The following CTNND2 variants were observed in gnomAD, a reference collection of about 807,000 sequenced individuals.
CTNND2 encodes the protein catenin delta-2.
A neutral mutation model predicts 144.4 loss-of-function variants in CTNND2; 22 were observed. The observed-to-expected ratio is 0.15, with a 90% confidence interval of 0.11 to 0.22. The LOEUF (loss-of-function observed/expected upper bound fraction) is 0.22, where lower values mean the gene tolerates loss of function less well. Ranked by LOEUF, CTNND2 falls within the 10% of genes least tolerant of loss-of-function variation. CTNND2 has a pLI of 1.00. For synonymous variants in CTNND2, 751 were observed against 695.6 expected (o/e 1.08, Z -1.25); for missense variants, 1,353 against 1,618.8 (o/e 0.84, Z 2.82).
intron 18 of CTNND2, among the ~76,000 whole-genome samples, chr5:11,013,266 A>G (rs1347773901): frequency 6.6e-6 from 1 of 152,218 alleles, no homozygotes; most frequent in African/African-American, 2.4e-5. Context: ...ACTTAAGCAT[A>G]AAAATACACA....
intron 16 of CTNND2, among the ~76,000 whole-genome samples, chr5:11,077,820 C>A (rs61750282): frequency 6.6e-6 from 1 of 151,972 alleles, no homozygotes; most frequent in African/African-American, 2.4e-5. Context: ...TTAAAGTCTG[C>A]GAAAATTCAG....
chr5:11,072,680 G>C (rs1238965203), intron 16 of CTNND2, among the ~76,000 whole-genome samples: 1 of 152,238 alleles, frequency 6.6e-6, no homozygotes, highest in Non-Finnish European at 1.5e-5. Context: ...AACAACACGA[G>C]CTTTTTTCTT....
chr5:11,014,884 C>G (rs766707502), intron 18 of CTNND2, among the ~76,000 whole-genome samples: 5 of 152,188 alleles, frequency 3.3e-5, no homozygotes, highest in Non-Finnish European at 5.9e-5. Context: ...GTCCTTATCT[C>G]TTACCTCCTA....
chr5:11,844,380 G>GCA (rs140419072), intron 1 of CTNND2, among the ~76,000 whole-genome samples: 9 of 149,526 alleles, frequency 6.0e-5, no homozygotes, highest in South Asian at 2.1e-4. Context: ...ACACACATAT[G>GCA]CACACACACA....
intron 2 of CTNND2, among the ~76,000 whole-genome samples, chr5:11,590,995 G>T (rs1460841928): frequency 6.6e-6 from 1 of 152,180 alleles, no homozygotes; most frequent in Non-Finnish European, 1.5e-5. Flanking sequence ...CTTTACTTAG[G>T]TATTGATTGA....
intron 3 of CTNND2, among the ~76,000 whole-genome samples, chr5:11,497,614 G>A (rs201853431): frequency 6.6e-6 from 1 of 151,564 alleles, no homozygotes; most frequent in African/African-American, 2.4e-5. Flanking sequence ...ATAAGGGAGT[G>A]GAGAGAGGAG....
chr5:10,976,638 T>G (rs1736524970), intron 21 of CTNND2, among the ~76,000 whole-genome samples: 1 of 152,260 alleles, frequency 6.6e-6, no homozygotes, highest in Non-Finnish European at 1.5e-5. Context: ...CAAGTCATCT[T>G]TGCTGAACTT....
At chr5:11,208,823 C>G (rs1214315881) in intron 10 of CTNND2, among the ~76,000 whole-genome samples, 1 of 152,092 alleles carries the variant, frequency 6.6e-6, no homozygotes, top group Non-Finnish European at 1.5e-5. Flanking sequence ...GTGGAAAGAA[C>G]TAAACAAAAT....
intron 3 of CTNND2, among the ~76,000 whole-genome samples, chr5:11,490,836 T>C (rs1398639192): frequency 6.6e-6 from 1 of 152,024 alleles, no homozygotes; most frequent in Admixed American, 6.6e-5. Flanking sequence ...AAAATAAAAG[T>C]AGAAGGCCTG....
intron 3 of CTNND2, among the ~76,000 whole-genome samples, chr5:11,421,347 C>T (rs1310108333): frequency 2.6e-5 from 4 of 152,168 alleles, no homozygotes; most frequent in Non-Finnish European, 4.4e-5. Context: ...TTCCAGCTGT[C>T]ACCCCTGTCA....
intron 1 of CTNND2, among the ~76,000 whole-genome samples, chr5:11,893,208 A>G (rs1737120092): frequency 6.6e-6 from 1 of 152,244 alleles, no homozygotes; most frequent in Admixed American, 6.5e-5. Flanking sequence ...ATGCATTTTA[A>G]GAGAATCGGC....
rs61752670 is a variant in CTNND2 at position 10,981,504 on chromosome 5, T to C, written c.3417+269A>G. Reference sequence around the variant, plus strand: ...GGGGGTTTCTTTTAGTTTTGCACCATAGCAGAATACTTGCTTTCTGCACCA... The same window carrying C: ...GGGGGTTTCTTTTAGTTTTGCACCACAGCAGAATACTTGCTTTCTGCACCA... On this transcript the variant is annotated intron_variant, in intron 21 of 21. Transcript: ENST00000304623. 5.9e-5 allele frequency among the ~76,000 whole-genome samples: 9 copies of C among 152,262 alleles called. No individual in the cohort carries two copies. The East Asian group carries it at 1.7e-3, about 29-fold the overall frequency.
intron 12 of CTNND2, among the ~76,000 whole-genome samples, chr5:11,145,238 A>G (rs979442422): frequency 1.3e-5 from 2 of 152,224 alleles, no homozygotes. Context: ...TTAATGCAAT[A>G]TTTTTTCATC....
chr5:11,809,786 G>A (rs1043811756), intron 1 of CTNND2, among the ~76,000 whole-genome samples: 3 of 152,206 alleles, frequency 2.0e-5, no homozygotes, highest in African/African-American at 2.4e-5. Flanking sequence ...CTTGTCAAAT[G>A]CATGGTGCAG....
At chr5:11,135,402 G>A (rs891913697) in intron 12 of CTNND2, among the ~76,000 whole-genome samples, 3 of 151,906 alleles carry the variant, frequency 2.0e-5, no homozygotes, top group African/African-American at 7.3e-5. Context: ...GAAATGAAAA[G>A]GTTTTAGAGA....
chr5:11,361,320 C>A (rs1292739912), intron 8 of CTNND2, among the ~76,000 whole-genome samples: 1 of 152,126 alleles, frequency 6.6e-6, no homozygotes, highest in Non-Finnish European at 1.5e-5. Context: ...TGCTCCAGGC[C>A]TATTTATTTA....
intron 1 of CTNND2, among the ~76,000 whole-genome samples, chr5:11,879,383 A>ATATATG (rs1202600709): frequency 1.4e-5 from 2 of 146,850 alleles, no homozygotes; most frequent in East Asian, 2.0e-4. Context: ...ACAAACATAT[A>ATATATG]CATACATACA....
In CTNND2 at chr5:11,356,761, A is replaced by C. The variant is rs567914261; in HGVS notation, c.1372+7935T>G. Among the ~76,000 whole-genome samples, 8 of 152,106 alleles carry C rather than the reference A, an allele frequency of 5.3e-5. No individual in the cohort carries two copies. In the South Asian group the frequency reaches 1.7e-3, roughly 32 times the overall value. On this transcript the variant is annotated intron_variant, in intron 8 of 21. Coordinates refer to ENST00000304623, the MANE Select transcript of CTNND2 (RefSeq NM_001332.4). The stretch of plus-strand genomic sequence containing the variant: ...AAGACAATCTATAGAATGCGAGAAG[A>C]TATTTAAAAATGATACATCTGACAA...
At chr5:11,869,770 G>C (rs1389221264) in intron 1 of CTNND2, among the ~76,000 whole-genome samples, 3 of 152,264 alleles carry the variant, frequency 2.0e-5, no homozygotes, top group South Asian at 2.1e-4. Flanking sequence ...TTTTTCAAAA[G>C]TATTTTGTCC....
Sources: allele counts gnomAD v4.1 joint callset (sites outside exome capture counted in the v4.1 genomes callset), GRCh38; gene constraint gnomAD v4.1.1; transcripts MANE v1.5; gene names NCBI Gene and HGNC (gene_info 2026-07-23, HGNC 2026-07-21).